Variants in CADPS2 observed in about 807,000 individuals in gnomAD.
The protein encoded by CADPS2 is calcium dependent secretion activator 2.
A neutral mutation model predicts 172.5 loss-of-function variants in CADPS2; 93 were observed. That is an observed-to-expected ratio of 0.54 (90% confidence interval 0.46 to 0.64). CADPS2 has a LOEUF of 0.64. CADPS2 is among the 30% of genes least tolerant of loss of function. CADPS2 has a pLI of 0.00. For missense variants in CADPS2, 1,420 were observed against 1,565.9 expected (o/e 0.91, Z 1.57); for synonymous variants, 546 against 555.2 (o/e 0.98, Z 0.23).
intron 1 of CADPS2, among the ~76,000 whole-genome samples, chr7:122,748,292 G>A (rs1214939292): frequency 6.6e-6 from 1 of 152,086 alleles, no homozygotes; most frequent in Non-Finnish European, 1.5e-5. Context: ...GAAGAGCAAA[G>A]GATTTCTTTG....
intron 18 of CADPS2, among the ~76,000 whole-genome samples, chr7:122,414,424 T>C (rs2047650795): frequency 1.3e-5 from 2 of 152,188 alleles, no homozygotes; most frequent in Admixed American, 6.6e-5. Context: ...CAATTATTAA[T>C]AGATTTTTTA....
At chr7:122,625,765 C>T (rs1321770699) in intron 4 of CADPS2, among the ~76,000 whole-genome samples, 1 of 151,948 alleles carries the variant, frequency 6.6e-6, no homozygotes, top group South Asian at 2.1e-4. Context: ...ATCTCTCTCT[C>T]TCTCTCTCCC....
At chr7:122,541,199 A>ATT (rs35364064) in intron 8 of CADPS2, among the ~76,000 whole-genome samples, 16 of 138,116 alleles carry the variant, frequency 1.2e-4, no homozygotes, top group African/African-American at 2.1e-4. Flanking sequence ...TTATGAGATG[A>ATT]TTTTTTTTTT....
chr7:122,720,112 G>A (rs938804089), intron 2 of CADPS2, among the ~76,000 whole-genome samples: 1 of 152,056 alleles, frequency 6.6e-6, no homozygotes, highest in Non-Finnish European at 1.5e-5. Flanking sequence ...CTTGAAAGGT[G>A]ACTGAGTAGA....
At chr7:122,825,516 T>C (rs572884655) in intron 1 of CADPS2, among the ~76,000 whole-genome samples, 1 of 152,108 alleles carries the variant, frequency 6.6e-6, no homozygotes, top group African/African-American at 2.4e-5. Flanking sequence ...AAAGAAGCAA[T>C]AGAAAGATTG....
At chr7:122,849,590 G>A (rs574679518) in intron 1 of CADPS2, among the ~76,000 whole-genome samples, 33 of 152,262 alleles carry the variant, frequency 2.2e-4, no homozygotes, top group African/African-American at 3.9e-4. Context: ...GAGTCTGTGC[G>A]TTAAGGAATG....
chr7:122,781,711 C>A (rs1792780887), intron 1 of CADPS2, among the ~76,000 whole-genome samples: 1 of 151,968 alleles, frequency 6.6e-6, no homozygotes, highest in African/African-American at 2.4e-5. Flanking sequence ...TTTCACTGAC[C>A]TACTTATTTT....
intron 28 of CADPS2, among the ~76,000 whole-genome samples, chr7:122,339,266 A>G (rs1278403148): frequency 6.6e-6 from 1 of 152,210 alleles, no homozygotes; most frequent in African/African-American, 2.4e-5. Context: ...GTTCTATTTA[A>G]TGGTCACTTT....
At position 122,850,227 on chromosome 7, in the gene CADPS2, C is replaced by G. The variant is rs145470498; in HGVS notation, c.339+35772G>C. The G allele has an allele frequency of 3.6e-4, 380 of 1,051,480 alleles. No homozygotes were observed. In the East Asian group the frequency reaches 0.011, roughly 31 times the overall value. 65.1% of individuals were successfully genotyped at this position (1,051,480 alleles called of 1,614,324 possible). On this transcript the variant is annotated intron_variant, in intron 1 of 29. Coordinates refer to ENST00000449022, the MANE Select transcript of CADPS2 (RefSeq NM_017954.11). ...GCTATAACTCGCCAAGTGACAGGGA[C>G]CCAGAGGCCCCCTGACCCAGCTCCT...
chr7:122,529,729 A>G (rs763838775), intron 8 of CADPS2, among the ~76,000 whole-genome samples: 1 of 152,076 alleles, frequency 6.6e-6, no homozygotes, highest in South Asian at 2.1e-4. Context: ...AAGGTATGTT[A>G]TTTTTCCACA....
Position 122,388,739 on chromosome 7 carries a change from C to T in CADPS2, c.3009-1G>A. The T allele has an allele frequency of 1.9e-6, 3 of 1,593,864 alleles. No individual in the cohort carries two copies. The highest frequency in any genetic ancestry group is 2.6e-6 in the Non-Finnish European group (3 of 1,167,016). ...GTCTTCTGATGTTGCTGAGCCATTG[C>T]TAGAAGAAAAAGGAAAAATGAACAT... On this transcript the variant is annotated splice_acceptor_variant, in intron 22 of 29. Transcript: ENST00000449022. LOFTEE classifies it high-confidence loss of function.
intron 8 of CADPS2, among the ~76,000 whole-genome samples, chr7:122,546,892 T>C (rs1264191946): frequency 1.3e-5 from 2 of 152,126 alleles, no homozygotes; most frequent in Admixed American, 6.6e-5. Context: ...AATATTTTCA[T>C]GAATTATTTT....
At chr7:122,637,972 G>A (rs2077235892) in intron 3 of CADPS2, among the ~76,000 whole-genome samples, 1 of 152,174 alleles carries the variant, frequency 6.6e-6, no homozygotes, top group South Asian at 2.1e-4. Flanking sequence ...AATCCAGTAG[G>A]TGCTCCTTAA....
chr7:122,561,861 T>C (rs553532617), intron 7 of CADPS2, among the ~76,000 whole-genome samples: 2 of 152,258 alleles, frequency 1.3e-5, no homozygotes, highest in Admixed American at 6.5e-5. Context: ...TCACAGTCTA[T>C]TGTAAACACT....
At chr7:122,681,262 A>G (rs1221464995) in intron 2 of CADPS2, 2 of 801,936 alleles carry the variant, frequency 2.5e-6, no homozygotes, top group African/African-American at 3.4e-5. Context: ...CATGTACCCT[A>G]AAACTTAAAG....
rs961029383 is a variant in CADPS2, at chr7:122,538,769, A to G, written c.1475+15781T>C. On this transcript the variant is annotated intron_variant, in intron 8 of 29. Transcript: ENST00000449022. ...CTGTATGCCTCATTCCTGATTATAC[A>G]TAGTGGAGAAATTCTTGCACAGGAC... Among the ~76,000 whole-genome samples the G allele has an allele frequency of 3.9e-5, 6 of 152,074 alleles. No individual in the cohort carries two copies. In the East Asian group the frequency reaches 5.8e-4, roughly 15 times the overall value.
At chr7:122,885,873 C>A in intron 1 of CADPS2, 126 bp downstream of exon 1, 3 of 1,158,474 alleles carry the variant, frequency 2.6e-6, no homozygotes, top group South Asian at 2.7e-5. Context: ...GATTCCTCTG[C>A]CCTCAGAGAC....
chr7:122,731,485 G>T (rs2091636296), intron 2 of CADPS2, among the ~76,000 whole-genome samples: 1 of 151,684 alleles, frequency 6.6e-6, no homozygotes, highest in Non-Finnish European at 1.5e-5. Flanking sequence ...GAATAGCTTG[G>T]AAAGTAACAA....
intron 1 of CADPS2, among the ~76,000 whole-genome samples, chr7:122,808,022 C>A (rs1799169398): frequency 6.6e-6 from 1 of 152,120 alleles, no homozygotes; most frequent in Non-Finnish European, 1.5e-5. Flanking sequence ...AGGCACAGTA[C>A]CCTTCCAACA....
Sources: allele counts gnomAD v4.1 joint callset (sites outside exome capture counted in the v4.1 genomes callset), GRCh38; gene constraint gnomAD v4.1.1; transcripts MANE v1.5; gene names NCBI Gene and HGNC (gene_info 2026-07-23, HGNC 2026-07-21).